The following CENPN variants were observed in gnomAD, a reference collection of about 807,000 sequenced individuals.
The protein encoded by CENPN is interphase centromere complex protein 32.
A neutral mutation model predicts 48.6 loss-of-function variants in CENPN; 36 were observed. The observed-to-expected ratio is 0.74, with a 90% confidence interval of 0.57 to 0.98. The LOEUF (loss-of-function observed/expected upper bound fraction) is 0.98, where lower values mean the gene tolerates loss of function less well. Among genes scored for constraint, CENPN ranks in the 50% least tolerant of loss-of-function variants. The pLI is 0.00. For missense variants in CENPN, 439 were observed against 399.2 expected (o/e 1.10, Z -0.85); for synonymous variants, 166 against 135.2 (o/e 1.23, Z -1.58).
intron 1 of CENPN, among the ~76,000 whole-genome samples, chr16:81,008,014 G>T (rs1407847827): frequency 6.6e-6 from 1 of 152,112 alleles, no homozygotes; most frequent in Non-Finnish European, 1.5e-5. Flanking sequence ...GGCTGAGGCA[G>T]GAGAAGCGCA....
intron 6 of CENPN, 86 bp downstream of exon 6, chr16:81,020,362 G>C: frequency 7.6e-7 from 1 of 1,316,450 alleles, no homozygotes; most frequent in Non-Finnish European, 1.0e-6. Flanking sequence ...ATAAGTATTT[G>C]ATAGAGAATA....
At chr16:81,028,504 T>C in intron 10 of CENPN, 65 bp from the exon 11 acceptor site, 1 of 1,585,218 alleles carries the variant, frequency 6.3e-7, no homozygotes, top group Non-Finnish European at 8.5e-7. Flanking sequence ...TTAAACTGAC[T>C]CAAATCCATC....
intron 1 of CENPN, among the ~76,000 whole-genome samples, chr16:81,010,658 CTTAATA>C (rs1405350477): frequency 6.9e-6 from 1 of 144,892 alleles, no homozygotes; most frequent in Non-Finnish European, 1.5e-5. Context: ...TCATCTTTAT[CTTAATA>C]TTAACAGATT....
intron 6 of CENPN, among the ~76,000 whole-genome samples, chr16:81,021,843 C>G (rs1970223467): frequency 6.6e-6 from 1 of 151,982 alleles, no homozygotes; most frequent in African/African-American, 2.4e-5. Flanking sequence ...CACCCTCCAC[C>G]CCCAAGGTTC....
At chr16:81,032,556 T>G (rs75625730), downstream of CENPN, 2,147 of 1,373,628 alleles carry the variant, frequency 1.6e-3, 14 homozygotes, top group African/African-American at 0.027. Flanking sequence ...TTTTCAGTGT[T>G]TTTTTTTTTT....
At position 81,028,643 on chromosome 16, in the gene CENPN, G is replaced by C; in HGVS notation, c.1012G>C (p.Asp338His). 6.2e-7 allele frequency: 1 copy of C among 1,611,158 alleles called. No homozygotes were observed. Among genetic ancestry groups the C allele is most frequent in the Non-Finnish European group, 8.5e-7 (1 of 1,179,460 alleles). ...NKRMNYFKIR[D>H]K ...GAGAATGAATTATTTTAAAATTAGA[G>C]ATAAATAAGACGTGCGTGGTTTCTT... Residue 338 changes from aspartate to histidine, a missense_variant, in exon 11 of 11, where the codon GAT (aspartate) becomes CAT (histidine). By Grantham distance (81) the Asp-to-His change is moderately conservative. Coordinates refer to ENST00000305850, the MANE Select transcript of CENPN (RefSeq NM_001100624.3).
intron 8 of CENPN, among the ~76,000 whole-genome samples, chr16:81,026,273 A>T (rs1044109972): frequency 7.9e-5 from 12 of 151,284 alleles, no homozygotes; most frequent in Admixed American, 5.3e-4. Context: ...GCTAGGCAAA[A>T]ATATACTAAA....
At chr16:81,011,474 C>G (rs984774433) in intron 1 of CENPN, among the ~76,000 whole-genome samples, 1 of 152,134 alleles carries the variant, frequency 6.6e-6, no homozygotes, top group Non-Finnish European at 1.5e-5. Flanking sequence ...TGCACAGATC[C>G]TCAGTAAGGG....
chr16:81,030,162 T>C lies in CENPN; in HGVS notation c.*1511T>C, dbSNP rs1970706753. On this transcript the variant is annotated 3_prime_UTR_variant, in exon 11 of 11. Coordinates refer to ENST00000305850, the MANE Select transcript of CENPN (RefSeq NM_001100624.3). ...CCCTGCCCTTGTCACATGGGGGTTATTACAATTCAAGGTGACACTTGTGTG... is the reference window on the plus strand; with the variant it reads ...CCCTGCCCTTGTCACATGGGGGTTACTACAATTCAAGGTGACACTTGTGTG... 1 of 979,988 alleles carries C rather than the reference T, an allele frequency of 1.0e-6. No homozygotes were observed. The allele number at this position is 979,988 out of a possible 1,614,324, so 60.7% of individuals were successfully genotyped here. A position where few individuals can be genotyped will look rare whatever the true frequency, so the allele number is the denominator to read the frequency against.
chr16:81,007,902 T>A (rs1442588700), intron 1 of CENPN, among the ~76,000 whole-genome samples: 1 of 151,802 alleles, frequency 6.6e-6, no homozygotes, highest in African/African-American at 2.4e-5. Context: ...AGGTCAGGAG[T>A]TCGAGACCAG....
intron 1 of CENPN, 68 bp from the exon 2 acceptor site, chr16:81,011,862 T>C: frequency 7.7e-7 from 1 of 1,307,082 alleles, no homozygotes; most frequent in South Asian, 1.3e-5. Flanking sequence ...TATGTGTATG[T>C]GTAAATAAAG....
intron 5 of CENPN, 130 bp downstream of exon 5, chr16:81,017,964 C>T (rs1970002947): frequency 1.7e-6 from 1 of 586,262 alleles, no homozygotes; most frequent in South Asian, 2.1e-5. Context: ...CGGTTCTACT[C>T]CATATCAGAA....
At chr16:81,024,437 C>T (rs1970366400) in intron 7 of CENPN, 1 of 215,636 alleles carries the variant, frequency 4.6e-6, no homozygotes, top group East Asian at 1.1e-4. Context: ...TGAAATACCA[C>T]AGTGCAAATG....
downstream of CENPN, among the ~76,000 whole-genome samples, chr16:81,032,313 CA>C (rs1970807033): frequency 6.6e-6 from 1 of 152,196 alleles, no homozygotes; most frequent in Non-Finnish European, 1.5e-5. Flanking sequence ...GAATCATTTA[CA>C]AGTTAATTTC....
chr16:81,014,360 G>C (rs374061174), intron 3 of CENPN, 179 bp downstream of exon 3: 4 of 602,942 alleles, frequency 6.6e-6, no homozygotes, highest in East Asian at 2.8e-5. Context: ...TCAGCCTCCC[G>C]AGTAGCTGGG....
At chr16:81,025,457 A>G (rs781328359) in intron 8 of CENPN, among the ~76,000 whole-genome samples, 8 of 152,206 alleles carry the variant, frequency 5.3e-5, no homozygotes, top group Non-Finnish European at 1.2e-4. Context: ...GTTATAAACT[A>G]AACACTTTTA....
In CENPN at chr16:81,029,280, ATTGAC is replaced by A; in HGVS notation, c.*632_*636del. On this transcript the variant is annotated 3_prime_UTR_variant, in exon 11 of 11. Coordinates refer to ENST00000305850, the MANE Select transcript of CENPN (RefSeq NM_001100624.3). ...GTATAACATTCAAACTGACAAATAT[ATTGAC>A]TTATGAATAAAGGTGTCAAAAAACT... is the stretch of plus-strand genomic sequence containing the variant. The A allele has an allele frequency of 1.1e-6, 1 of 912,452 alleles. No homozygotes were observed. Among genetic ancestry groups the A allele is most frequent in the Non-Finnish European group, 1.3e-6 (1 of 763,572 alleles). 56.5% of individuals were successfully genotyped at this position (912,452 alleles called of 1,614,324 possible). A position where few individuals can be genotyped will look rare whatever the true frequency, so the allele number is the denominator to read the frequency against.
At chr16:81,017,868 A>G in intron 5 of CENPN, 34 bp downstream of exon 5, 3 of 1,297,654 alleles carry the variant, frequency 2.3e-6, no homozygotes, top group Non-Finnish European at 3.3e-6. Context: ...CATAAAATTC[A>G]ATGTCATGAC....
rs141852429 is a variant in CENPN, at chr16:81,011,101, T to C, written c.-10-829T>C. Among the ~76,000 whole-genome samples, 682 of 152,328 alleles carry C rather than the reference T, an allele frequency of 4.5e-3. 3 individuals are homozygous for C. The highest frequency in any genetic ancestry group is 0.024 in the Middle Eastern group (7 of 294). On this transcript the variant is annotated intron_variant, in intron 1 of 10. Transcript: ENST00000305850. ...CTCTATGCCTCCTTCCTGTCTCTGC[T>C]GTCCCCTGACTGGAGGCCACCCTTC...
Sources: allele counts gnomAD v4.1 joint callset (sites outside exome capture counted in the v4.1 genomes callset), GRCh38; gene constraint gnomAD v4.1.1; transcripts MANE v1.5; gene names NCBI Gene and HGNC (gene_info 2026-07-23, HGNC 2026-07-21).